The following SMAD4 variants were observed in gnomAD, a reference collection of about 807,000 sequenced individuals.
The protein encoded by SMAD4 is MAD homolog 4.
Under a neutral mutation model 63.2 loss-of-function variants are expected in SMAD4, and 7 were observed. That is an observed-to-expected ratio of 0.11 (90% confidence interval 0.06 to 0.21). The LOEUF is 0.21. SMAD4 is among the 10% of genes least tolerant of loss of function. The probability of loss-of-function intolerance (pLI) is 1.00; values close to 1 mark genes in which losing one functional copy is unlikely to be tolerated. For missense variants in SMAD4, 312 were observed against 693.8 expected, an observed-to-expected ratio of 0.45 and a Z score of 6.18; for synonymous variants, 215 against 235.4, an observed-to-expected ratio of 0.91 and a Z score of 0.79.
intron 10 of SMAD4, among the ~76,000 whole-genome samples, chr18:51,073,861 A>G (rs1942095): frequency 0.023 from 3,473 of 152,256 alleles, 153 homozygotes; most frequent in African/African-American, 0.078. Flanking sequence ...TTAAGATACA[A>G]CATCAAAGGC....
chr18:51,080,142 GTCC>G lies in SMAD4; in HGVS notation c.*1680_*1682del, dbSNP rs1169747894. The G allele has an allele frequency of 8.6e-6, 2 of 232,492 alleles. No individual in the cohort carries two copies. Among genetic ancestry groups the G allele is most frequent in the Non-Finnish European group, 1.7e-5 (2 of 117,730 alleles). The allele number at this position is 232,492 out of a possible 1,614,324, so 14.4% of individuals were successfully genotyped here. ...CTATAGAAACACTTGTGTGATGATA[GTCC>G]TCCTTATATCACCTGGAATGAACAC... On this transcript the variant is annotated 3_prime_UTR_variant, in exon 12 of 12. Transcript: ENST00000342988.
At chr18:51,064,198 T>C (rs1242159190) in intron 8 of SMAD4, among the ~76,000 whole-genome samples, 2 of 152,238 alleles carry the variant, frequency 1.3e-5, no homozygotes, top group African/African-American at 4.8e-5. Flanking sequence ...ATCTTTCTTT[T>C]AAATATGTCG....
rs533087344 is a variant in SMAD4 at position 51,073,657 on chromosome 18, A to G, written c.1309-2981A>G. Among the ~76,000 whole-genome samples, 40 of 151,730 alleles carry G rather than the reference A, an allele frequency of 2.6e-4. No homozygotes were observed. The East Asian group carries it at 3.3e-3, about 13-fold the overall frequency. The stretch of plus-strand genomic sequence containing the variant: ...GGGATTCTCCTGTCTCAGCCTCCCA[A>G]GTATCTGGGATCACAAGCTTGCACC... On this transcript the variant is annotated intron_variant, in intron 10 of 11. Coordinates refer to ENST00000342988, the MANE Select transcript of SMAD4 (RefSeq NM_005359.6).
intron 1 of SMAD4, among the ~76,000 whole-genome samples, chr18:51,031,889 CT>C (rs1227726948): frequency 1.3e-5 from 2 of 151,920 alleles, no homozygotes; most frequent in East Asian, 1.9e-4. Context: ...TAAAATGTAA[CT>C]TTTTTTTAAT....
rs561442548 is a variant in SMAD4 at position 51,080,331 on chromosome 18, C to T, written c.*1864C>T. 5.2e-5 allele frequency: 12 copies of T among 231,796 alleles called. No homozygotes were observed. Among genetic ancestry groups the T allele is most frequent in the Non-Finnish European group, 1.0e-4 (12 of 117,274 alleles). The allele number at this position is 231,796 out of a possible 1,614,324, so 14.4% of individuals were successfully genotyped here. ...CCTCATTTGTACTCTTGATTACTTA[C>T]AAATTCTTTCAGTAAACACCTAATT... On this transcript the variant is annotated 3_prime_UTR_variant, in exon 12 of 12. Coordinates refer to ENST00000342988, the MANE Select transcript of SMAD4 (RefSeq NM_005359.6).
chr18:51,054,618 T>TA, intron 4 of SMAD4, 163 bp from the exon 5 acceptor site: 1 of 606,008 alleles, frequency 1.7e-6, no homozygotes, highest in Non-Finnish European at 2.9e-6. Context: ...CTTTTGCTGG[T>TA]AAAGTAGTAT....
At chr18:51,043,261 T>C (rs1274321406) in intron 1 of SMAD4, among the ~76,000 whole-genome samples, 1 of 152,218 alleles carries the variant, frequency 6.6e-6, no homozygotes, top group Non-Finnish European at 1.5e-5. Flanking sequence ...TTTTTGTATC[T>C]GTAGTGCTTT....
intron 10 of SMAD4, among the ~76,000 whole-genome samples, chr18:51,073,359 C>CT (rs1158979597): frequency 1.5e-4 from 4 of 27,138 alleles, no homozygotes; most frequent in Non-Finnish European, 2.6e-4. Flanking sequence ...TCCCAGATAA[C>CT]ATTATATATA....
At chr18:51,034,623 C>T (rs1252298746) in intron 1 of SMAD4, among the ~76,000 whole-genome samples, 2 of 152,022 alleles carry the variant, frequency 1.3e-5, no homozygotes, top group Admixed American at 1.3e-4. Context: ...TAGCTCACTG[C>T]AGCCTCTACC....
intron 5 of SMAD4, among the ~76,000 whole-genome samples, chr18:51,055,750 T>C (rs1049908752): frequency 2.6e-5 from 4 of 151,870 alleles, no homozygotes; most frequent in Non-Finnish European, 4.4e-5. Context: ...TCTTGGCATG[T>C]GTATGGTGTT....
Position 51,079,873 on chromosome 18 carries a change from G to A in SMAD4, c.*1406G>A, listed in dbSNP as rs1910566258. The A allele has an allele frequency of 4.3e-6, 1 of 232,258 alleles. No homozygotes were observed. Among genetic ancestry groups the A allele is most frequent in the Non-Finnish European group, 8.5e-6 (1 of 117,690 alleles). The allele number at this position is 232,258 out of a possible 1,614,324, so 14.4% of individuals were successfully genotyped here. Reference sequence around the variant, plus strand: ...ATGAGGTACCTTCTACTAAATGACAGGCAACAGCCAGTTCTATTGGGCAGC... The same window carrying A: ...ATGAGGTACCTTCTACTAAATGACAAGCAACAGCCAGTTCTATTGGGCAGC... On this transcript the variant is annotated 3_prime_UTR_variant, in exon 12 of 12. Coordinates refer to ENST00000342988, the MANE Select transcript of SMAD4 (RefSeq NM_005359.6).
chr18:51,038,833 T>G (rs928443357), intron 1 of SMAD4, among the ~76,000 whole-genome samples: 1 of 152,236 alleles, frequency 6.6e-6, no homozygotes, highest in African/African-American at 2.4e-5. Context: ...TTATTTATAA[T>G]ATGATAAATA....
At chr18:51,056,517 G>T (rs2077115308) in intron 5 of SMAD4, among the ~76,000 whole-genome samples, 1 of 151,496 alleles carries the variant, frequency 6.6e-6, no homozygotes, top group African/African-American at 2.4e-5. Context: ...TGCTCCGGGG[G>T]CTGAGGCAGG....
intron 1 of SMAD4, among the ~76,000 whole-genome samples, chr18:51,044,021 A>C (rs1909463675): frequency 6.6e-6 from 1 of 152,248 alleles, no homozygotes; most frequent in Non-Finnish European, 1.5e-5. Flanking sequence ...TTGTGGCAAC[A>C]ATGTGAGACA....
intron 8 of SMAD4, among the ~76,000 whole-genome samples, chr18:51,063,256 G>A (rs1179610071): frequency 6.6e-6 from 1 of 151,914 alleles, no homozygotes; most frequent in Non-Finnish European, 1.5e-5. Flanking sequence ...GTTTTTTGTT[G>A]TGTTTTTTTT....
chr18:51,054,891 C>G lies in SMAD4; in HGVS notation c.565C>G (p.Arg189Gly), dbSNP rs140743238. The G allele has an allele frequency of 6.2e-7, 1 of 1,614,040 alleles. No individual in the cohort carries two copies. Among genetic ancestry groups the G allele is most frequent in the Admixed American group, 1.7e-5 (1 of 60,030 alleles). Residue 189 changes from arginine to glycine, a missense_variant, in exon 5 of 12, where the codon CGT becomes GGT. Coordinates refer to ENST00000342988, the MANE Select transcript of SMAD4 (RefSeq NM_005359.6). ...IQTIQHPPSN[R>G]ASTETYSTPA... ...AACCATCCAGCATCCACCAAGTAAT[C>G]GTGCATCGACAGAGACATACAGCAC...
At chr18:51,069,629 C>CTT (rs1364993929) in intron 10 of SMAD4, among the ~76,000 whole-genome samples, 1 of 152,164 alleles carries the variant, frequency 6.6e-6, no homozygotes, top group African/African-American at 2.4e-5. Context: ...AGTAGGGGGA[C>CTT]TTTGTCTCCT....
chr18:51,049,676 A>G (rs1909650501), intron 4 of SMAD4: 1 of 240,654 alleles, frequency 4.2e-6, no homozygotes, highest in Non-Finnish European at 8.1e-6. Flanking sequence ...AAATACCCAG[A>G]ATATTTGGTA....
At chr18:51,050,520 G>A (rs1020020186) in intron 4 of SMAD4, among the ~76,000 whole-genome samples, 5 of 150,610 alleles carry the variant, frequency 3.3e-5, no homozygotes, top group African/African-American at 1.2e-4. Context: ...TTAGCCGGAC[G>A]TGGTGGTGGG....
Sources: allele counts gnomAD v4.1 joint callset (sites outside exome capture counted in the v4.1 genomes callset), GRCh38; gene constraint gnomAD v4.1.1; transcripts MANE v1.5; gene names NCBI Gene and HGNC (gene_info 2026-07-23, HGNC 2026-07-21).